The following TET2 variants were observed in gnomAD, a reference collection of about 807,000 sequenced individuals.
TET2 encodes tet methylcytosine dioxygenase 2, also known as methylcytosine dioxygenase TET2.
Under a neutral mutation model 142.9 loss-of-function variants are expected in TET2, and 299 were observed. That is an observed-to-expected ratio of 2.09 (90% CI 1.90 to 2.30). The LOEUF (loss-of-function observed/expected upper bound fraction) is 2.30. Ranked by LOEUF, TET2 falls within the 30% of genes most tolerant of loss-of-function variation. The pLI is 0.00. For synonymous variants in TET2, 819 were observed against 849.0 expected (o/e 0.96, Z 0.61); for missense variants, 2,418 against 2,378.0 (o/e 1.02, Z -0.35).
intron 1 of TET2, among the ~76,000 whole-genome samples, chr4:105,167,345 AAACTT>A (rs1206173440): frequency 2.0e-5 from 3 of 151,886 alleles, no homozygotes; most frequent in Admixed American, 6.6e-5. Flanking sequence ...CAATACAACT[AAACTT>A]AAGAAAAGTG....
Position 105,237,132 on chromosome 4 carries a change from GT to G in TET2, c.3194del (p.Leu1065Ter). 6.2e-7 allele frequency: 1 copy of G among 1,614,152 alleles called. No individual in the cohort carries two copies. Among genetic ancestry groups the G allele is most frequent in the Non-Finnish European group, 8.5e-7 (1 of 1,180,020 alleles). ...AGTTGAAATGTCAGGGCCAGTCACA[GT>G]TTTGACTAGACAAACCACTGCTGCA... ...VKVEMSGPVTVLTRQTTAAEL... is the reference protein window; with the variant it reads ...VKVEMSGPVTXLTRQTTAAEL... On this transcript the variant is annotated frameshift_variant, in exon 3 of 11. Coordinates refer to ENST00000380013, the MANE Select transcript of TET2 (RefSeq NM_001127208.3). LOFTEE classifies it high-confidence loss of function.
Position 105,279,762 on chromosome 4 carries a change from GA to G in TET2, c.*3244del. The G allele has an allele frequency of 9.1e-6, 2 of 219,806 alleles. No homozygotes were observed. The highest frequency in any genetic ancestry group is 1.8e-5 in the Non-Finnish European group (2 of 109,738). The allele number at this position is 219,806 out of a possible 1,614,324, so 13.6% of individuals were successfully genotyped here. A position where few individuals can be genotyped will look rare whatever the true frequency, so the allele number is the denominator to read the frequency against. On this transcript the variant is annotated 3_prime_UTR_variant, in exon 11 of 11. Transcript: ENST00000380013. ...TATATCATTCCTGATAATGCTATGT[GA>G]GTGTTTTTAATAAAATTTATATTTA...
chr4:105,226,166 A>C (rs757497529), intron 2 of TET2, among the ~76,000 whole-genome samples: 1 of 152,004 alleles, frequency 6.6e-6, no homozygotes, highest in Non-Finnish European at 1.5e-5. Flanking sequence ...TTAATTATGC[A>C]CTTGTCTTAG....
intron 1 of TET2, among the ~76,000 whole-genome samples, chr4:105,149,381 A>G (rs1054706003): frequency 9.8e-5 from 15 of 152,346 alleles, no homozygotes; most frequent in South Asian, 2.1e-4. Context: ...TACTGAAAAT[A>G]GCTGCTAATT....
At chr4:105,256,684 A>G (rs28823618) in intron 6 of TET2, among the ~76,000 whole-genome samples, 1,626 of 152,100 alleles carry the variant, frequency 0.011, 27 homozygotes, top group African/African-American at 0.035. Context: ...TATTCTTCCT[A>G]TTCTTTATTC....
chr4:105,187,207 C>A (rs912768444), intron 1 of TET2, among the ~76,000 whole-genome samples: 6 of 152,124 alleles, frequency 3.9e-5, no homozygotes, highest in African/African-American at 1.4e-4. Flanking sequence ...CTGATAAAAA[C>A]AAGTTCTATA....
chr4:105,196,489 A>G (rs1461721141), intron 2 of TET2, among the ~76,000 whole-genome samples: 1 of 152,202 alleles, frequency 6.6e-6, no homozygotes. Context: ...CAGCCTACAG[A>G]AAGTAGATCA....
chr4:105,219,606 A>G (rs1343946410), intron 2 of TET2, among the ~76,000 whole-genome samples: 1 of 152,110 alleles, frequency 6.6e-6, no homozygotes, highest in African/African-American at 2.4e-5. Flanking sequence ...CAACTCTAAT[A>G]TAGTTAATTT....
intron 6 of TET2, among the ~76,000 whole-genome samples, chr4:105,252,680 A>C (rs1345527536): frequency 2.0e-5 from 3 of 152,206 alleles, no homozygotes; most frequent in Non-Finnish European, 4.4e-5. Context: ...TTAATTCATG[A>C]ATAATGTTTT....
intron 1 of TET2, among the ~76,000 whole-genome samples, chr4:105,159,419 C>T (rs1450778093): frequency 6.6e-6 from 1 of 151,952 alleles, no homozygotes; most frequent in African/African-American, 2.4e-5. Flanking sequence ...CCACGCCCGG[C>T]TAATTTTGTA....
At position 105,234,037 on chromosome 4, in the gene TET2, C is replaced by T. The variant is rs150238743; in HGVS notation, c.95C>T (p.Thr32Ile). ...PPICQTEPLATKLQNGSPLPE... is the reference protein window; with the variant it reads ...PPICQTEPLAIKLQNGSPLPE... ...ATTTGCCAGACAGAACCTCTGGCTA[C>T]AAAGCTCCAGAATGGAAGCCCACTG... Residue 32 changes from threonine to isoleucine, a missense_variant, in exon 3 of 11, where the codon ACA (threonine) becomes ATA (isoleucine). By Grantham distance (89) the Thr-to-Ile change is moderately conservative (BLOSUM62 -1). Transcript: ENST00000380013. 17 of 1,613,926 alleles carry T rather than the reference C, an allele frequency of 1.1e-5. No homozygotes were observed. In the African/African-American group the frequency reaches 1.7e-4, roughly 16 times the overall value.
intron 3 of TET2, chr4:105,241,093 A>G: frequency 1.8e-6 from 2 of 1,099,700 alleles, no homozygotes; most frequent in Non-Finnish European, 1.1e-6. Context: ...TTGGTTTAAA[A>G]TAATTTTTTA....
At chr4:105,230,006 A>C (rs1728415071) in intron 2 of TET2, among the ~76,000 whole-genome samples, 2 of 152,128 alleles carry the variant, frequency 1.3e-5, no homozygotes, top group Non-Finnish European at 2.9e-5. Flanking sequence ...TTGTGCCTAC[A>C]TCATTTAATG....
At chr4:105,247,782 C>T (rs1401235693) in intron 6 of TET2, among the ~76,000 whole-genome samples, 1 of 141,748 alleles carries the variant, frequency 7.1e-6, no homozygotes, top group Non-Finnish European at 1.5e-5. Context: ...AGTGCAGTGG[C>T]CCAATCTCAG....
chr4:105,173,656 G>T (rs1369730996), intron 1 of TET2, among the ~76,000 whole-genome samples: 3 of 152,086 alleles, frequency 2.0e-5, no homozygotes, highest in Admixed American at 2.0e-4. Context: ...AGAATGCAAA[G>T]GTGATGACAT....
intron 2 of TET2, among the ~76,000 whole-genome samples, chr4:105,205,524 G>A (rs1210802001): frequency 2.0e-5 from 3 of 152,040 alleles, no homozygotes; most frequent in Non-Finnish European, 4.4e-5. Context: ...CAACCCAATA[G>A]GTACTATTCT....
rs1405793129 is a variant in TET2, at chr4:105,256,777, T to C, written c.3804-2842T>C. 2.0e-5 allele frequency among the ~76,000 whole-genome samples: 3 copies of C among 152,212 alleles called. No homozygotes were observed. The East Asian group carries it at 5.8e-4, about 29-fold the overall frequency. ...CCACAGATCTCTGAGGTTCTGTTTA[T>C]GTTTTCATTTTTCAGACTGAATAAT... On this transcript the variant is annotated intron_variant, in intron 6 of 10. Transcript: ENST00000380013.
chr4:105,243,751 C>T lies in TET2; in HGVS notation c.3776C>T (p.Thr1259Ile), dbSNP rs1253798032. The T allele has an allele frequency of 3.2e-6, 5 of 1,551,408 alleles. No individual in the cohort carries two copies. The highest frequency in any genetic ancestry group is 4.4e-6 in the Non-Finnish European group (5 of 1,146,912). The change falls in exon 6 of 11, where the codon ACC (threonine) becomes ATC (isoleucine). Residue 1259 changes from threonine to isoleucine, a missense_variant. By Grantham distance (89) the Thr-to-Ile change is moderately conservative. Transcript: ENST00000380013. The part of the protein sequence containing the change: ...TETLRKYGTL[T>I]NRRCALNEER... ...ACGCTGAGGAAATACGGCACGCTCACCAATCGCCGGTGTGCCTTGAATGAA... is the reference window on the plus strand; with the variant it reads ...ACGCTGAGGAAATACGGCACGCTCATCAATCGCCGGTGTGCCTTGAATGAA...
chr4:105,248,652 G>A (rs969653654), intron 6 of TET2, among the ~76,000 whole-genome samples: 2 of 152,076 alleles, frequency 1.3e-5, no homozygotes, highest in East Asian at 3.9e-4. Flanking sequence ...TTCTAATTGA[G>A]ATATAATTCA....
Sources: gnomAD v4.1 joint callset for allele counts (sites outside exome capture counted in the v4.1 genomes callset) on GRCh38, gnomAD v4.1.1 for gene constraint, MANE v1.5 for transcripts, NCBI Gene and HGNC (gene_info 2026-07-23, HGNC 2026-07-21) for gene names.